SON: variants seen among roughly 807,000 people sequenced by gnomAD.
SON encodes the protein SON DNA and RNA binding protein, also known as protein SON.
A neutral mutation model predicts 173.3 loss-of-function variants in SON; 4 were observed. The observed-to-expected ratio is 0.02, with a 90% confidence interval of 0.01 to 0.05. The LOEUF (loss-of-function observed/expected upper bound fraction) is 0.05. Ranked by LOEUF, SON falls within the 10% of genes least tolerant of loss-of-function variation. The pLI, the probability that SON is intolerant of heterozygous loss-of-function variation, is 1.00. For synonymous variants in SON, 1,190 were observed against 1,105.9 expected, an observed-to-expected ratio of 1.08 and a Z score of -1.51; for missense variants, 2,626 against 3,055.3, an observed-to-expected ratio of 0.86 and a Z score of 3.31.
intron 2 of SON, among the ~76,000 whole-genome samples, chr21:33,548,997 AAGT>A (rs1463292771): frequency 1.3e-5 from 2 of 152,170 alleles, no homozygotes; most frequent in Non-Finnish European, 2.9e-5. Context: ...ATTATCAGAA[AAGT>A]AGTAGTCTCC....
At chr21:33,543,716 C>A (rs959657315) in intron 1 of SON, among the ~76,000 whole-genome samples, 2 of 152,216 alleles carry the variant, frequency 1.3e-5, no homozygotes, top group Non-Finnish European at 2.9e-5. Flanking sequence ...GTCAGCCGTT[C>A]TGATAGTTAA....
chr21:33,560,406 T>A, intron 6 of SON: 1 of 1,119,996 alleles, frequency 8.9e-7, no homozygotes, highest in Non-Finnish European at 1.1e-6. Flanking sequence ...CCTTCCCCTC[T>A]TTGCTACTAT....
intron 6 of SON, among the ~76,000 whole-genome samples, chr21:33,565,770 T>C (rs2145865057): frequency 6.6e-6 from 1 of 152,344 alleles, no homozygotes; most frequent in South Asian, 2.1e-4. Flanking sequence ...GATTTATATA[T>C]TAACATAAAC....
chr21:33,553,648 A>G lies in SON; in HGVS notation c.4417A>G (p.Ile1473Val). 1 of 1,613,886 alleles carries G rather than the reference A, an allele frequency of 6.2e-7. No individual in the cohort carries two copies. The highest frequency in any genetic ancestry group is 8.5e-7 in the Non-Finnish European group (1 of 1,179,854). ...GGTGGCTATAGAGTCCACACCAATGATACTGGAATCTAGTATCATGTCATC... is the reference window on the plus strand; with the variant it reads ...GGTGGCTATAGAGTCCACACCAATGGTACTGGAATCTAGTATCATGTCATC... Reference protein sequence around the residue: ...TEVAIESTPMILESSIMSSHV... With the variant: ...TEVAIESTPMVLESSIMSSHV... Residue 1473 changes from isoleucine (I) to valine (V), a missense_variant, in exon 3 of 12, where the codon ATA (isoleucine) becomes GTA (valine). This residue lies in a region of SON where 1,006 missense variants were observed against 895.6 expected (regional missense o/e 1.12). Coordinates refer to ENST00000356577, the MANE Select transcript of SON (RefSeq NM_138927.4).
intron 8 of SON, chr21:33,572,181 T>TATATATATATA (rs1569069155): frequency 3.5e-5 from 5 of 142,722 alleles, no homozygotes; most frequent in African/African-American, 1.3e-4. Context: ...TATTATATAT[T>TATATATATATA]TATATATATA....
chr21:33,552,682 C>G lies in SON; in HGVS notation c.3451C>G (p.Pro1151Ala). 1 of 1,614,116 alleles carries G rather than the reference C, an allele frequency of 6.2e-7. No homozygotes were observed. Among genetic ancestry groups the G allele is most frequent in the Non-Finnish European group, 8.5e-7 (1 of 1,180,010 alleles). ...GGCATATATGGTGCCACCTTTGCCT[C>G]CTGAAGAGCCCCCAACAATGCCACC... is the stretch of plus-strand genomic sequence containing the variant. ...TEAYMVPPLPPEEPPTMPPLP... is the reference protein window; with the variant it reads ...TEAYMVPPLPAEEPPTMPPLP... Residue 1151 changes from proline to alanine, a missense_variant, in exon 3 of 12, where the codon CCT (proline) becomes GCT (alanine). By Grantham distance (27) the Pro-to-Ala change is conservative (BLOSUM62 -1). Around this residue, in one of 13 missense-constraint regions of SON, gnomAD observed 366 missense variants for 448.6 expected, o/e 0.82. Coordinates refer to ENST00000356577, the MANE Select transcript of SON (RefSeq NM_138927.4). The surrounding 1 kb of genome is among the most constrained non-coding windows in gnomAD (Gnocchi z 5.6).
intron 7 of SON, among the ~76,000 whole-genome samples, chr21:33,568,697 A>G (rs2086222859): frequency 6.6e-6 from 1 of 152,092 alleles, no homozygotes. Context: ...TCTTTTTTGC[A>G]TTTTTAGTGT....
Position 33,559,352 on chromosome 21 carries a change from C to T in SON, c.6444C>T (p.Pro2148=), listed in dbSNP as rs2086027151. ...FYHHPFKLSE[P]KPIFFNLNIA... ...ATCATCCCTTTAAACTCAGTGAACC[C>T]AAACCTATTTTTTTCAATCTGAATG... Residue 2148 remains proline (P), a synonymous_variant, in exon 5 of 12, where the codon CCC becomes CCT. Coordinates refer to ENST00000356577, the MANE Select transcript of SON (RefSeq NM_138927.4). This position sits in a 1 kb window ranked among gnomAD's most constrained non-coding sequence, Gnocchi z 4.1. The T allele has an allele frequency of 1.9e-6, 3 of 1,609,624 alleles. No individual in the cohort carries two copies. In the South Asian group the frequency reaches 3.3e-5, roughly 18 times the overall value.
Position 33,575,660 on chromosome 21 carries a change from T to A in SON, c.7098T>A (p.Asp2366Glu). ...GGAACTTCTCTGCTGCAATGAAAGA[T>A]CTGTCAGGTGAGAGCACGTTTTTGA... ...RSGNFSAAMK[D>E]LSGKHPVSAL... The change falls in exon 10 of 12, where the codon GAT (aspartate) becomes GAA (glutamate). Residue 2366 changes from aspartate to glutamate, a missense_variant. Around this residue, in one of 13 missense-constraint regions of SON, gnomAD observed 11 missense variants for 18.7 expected, o/e 0.59. Coordinates refer to ENST00000356577, the MANE Select transcript of SON (RefSeq NM_138927.4). 2 of 1,613,110 alleles carry A rather than the reference T, an allele frequency of 1.2e-6. No individual in the cohort carries two copies. Among genetic ancestry groups the A allele is most frequent in the Non-Finnish European group, 1.7e-6 (2 of 1,179,312 alleles).
intron 1 of SON, 116 bp downstream of exon 1, chr21:33,543,285 C>T: frequency 1.0e-6 from 1 of 960,878 alleles, no homozygotes. Context: ...CGCTAGGGCC[C>T]CGCCTGGGCC....
At position 33,575,955 on chromosome 21, in the gene SON, G is replaced by A. The variant is rs1265372655; in HGVS notation, c.7221+62G>A. The A allele has an allele frequency of 2.6e-6, 2 of 778,026 alleles. No homozygotes were observed. The highest frequency in any genetic ancestry group is 2.6e-5 in the Admixed American group (1 of 38,300). 48.2% of individuals were successfully genotyped at this position (778,026 alleles called of 1,614,324 possible). On this transcript the variant is annotated intron_variant, in intron 11 of 11. Coordinates refer to ENST00000356577, the MANE Select transcript of SON (RefSeq NM_138927.4). Reference sequence around the variant, plus strand: ...TTAATGTGATGACTTAGAGGGTGAGGGGTAAACATGATCACAGGATTAAGA... The same window carrying A: ...TTAATGTGATGACTTAGAGGGTGAGAGGTAAACATGATCACAGGATTAAGA...
intron 6 of SON, among the ~76,000 whole-genome samples, chr21:33,564,235 C>T (rs1306156527): frequency 6.6e-6 from 1 of 152,178 alleles, no homozygotes; most frequent in East Asian, 1.9e-4. Flanking sequence ...TTGTCCAATA[C>T]AGCAGTTACC....
At chr21:33,565,658 T>A (rs565876900) in intron 6 of SON, among the ~76,000 whole-genome samples, 1 of 152,322 alleles carries the variant, frequency 6.6e-6, no homozygotes, top group East Asian at 1.9e-4. Flanking sequence ...TTCTAATTTG[T>A]GTGATGATTT....
At chr21:33,561,489 C>A (rs1034594451) in intron 6 of SON, among the ~76,000 whole-genome samples, 15 of 152,086 alleles carry the variant, frequency 9.9e-5, no homozygotes, top group African/African-American at 3.6e-4. Context: ...AAATATTTTC[C>A]ACTGAAGACT....
intron 6 of SON, chr21:33,560,063 A>G: frequency 6.2e-7 from 1 of 1,614,206 alleles, no homozygotes; most frequent in Non-Finnish European, 8.5e-7. Flanking sequence ...GTGGGAAGGT[A>G]GTCCAAGGTA....
intron 8 of SON, among the ~76,000 whole-genome samples, chr21:33,571,527 A>G (rs2086285221): frequency 6.6e-6 from 1 of 152,236 alleles, no homozygotes; most frequent in Non-Finnish European, 1.5e-5. Context: ...TTAATCAGTA[A>G]AACATTTAAA....
intron 1 of SON, among the ~76,000 whole-genome samples, chr21:33,543,759 A>G (rs921377600): frequency 6.6e-6 from 1 of 152,240 alleles, no homozygotes; most frequent in African/African-American, 2.4e-5. Flanking sequence ...AAACTGATGC[A>G]CTTGCTAGTT....
At position 33,573,165 on chromosome 21, in the gene SON, T is replaced by TA. The variant is rs1197842862; in HGVS notation, c.6886-140dup. Reference sequence around the variant, plus strand: ...CAGAACATACACACTACAGTATGTATAAAGTATAGAGGAATTTACATTTAA... The same window carrying TA: ...CAGAACATACACACTACAGTATGTATAAAAGTATAGAGGAATTTACATTTAA... On this transcript the variant is annotated intron_variant, in intron 8 of 11. Coordinates refer to ENST00000356577, the MANE Select transcript of SON (RefSeq NM_138927.4). 7.8e-6 allele frequency: 5 copies of TA among 638,598 alleles called. No homozygotes were observed. In the East Asian group the frequency reaches 1.4e-4, roughly 18 times the overall value. The allele number at this position is 638,598 out of a possible 1,614,324, so 39.6% of individuals were successfully genotyped here. A position where few individuals can be genotyped will look rare whatever the true frequency, so the allele number is the denominator to read the frequency against.
In SON at chr21:33,554,903, G is replaced by A. The variant is rs140776794; in HGVS notation, c.5672G>A (p.Arg1891His). ...RGRRSVSKEK[R>H]KRSPKHRSKS... Reference sequence around the variant, plus strand: ...AGAAGATCTGTATCAAAAGAGAAGCGCAAAAGATCTCCAAAGCACAGATCC... The same window carrying A: ...AGAAGATCTGTATCAAAAGAGAAGCACAAAAGATCTCCAAAGCACAGATCC... The change falls in exon 3 of 12, where the codon CGC becomes CAC. Residue 1891 changes from arginine to histidine, a missense_variant. Arg to His is a conservative substitution (Grantham distance 29, BLOSUM62 0). Coordinates refer to ENST00000356577, the MANE Select transcript of SON (RefSeq NM_138927.4). 2.4e-5 allele frequency: 38 copies of A among 1,614,020 alleles called. No individual in the cohort carries two copies. The highest frequency in any genetic ancestry group is 2.0e-4 in the African/African-American group (15 of 74,988).
Sources: allele counts gnomAD v4.1 joint callset (sites outside exome capture counted in the v4.1 genomes callset), GRCh38; gene constraint gnomAD v4.1.1; regional missense constraint gnomAD v4.1.1; non-coding constraint Gnocchi (gnomAD v3.1); transcripts MANE v1.5; gene names NCBI Gene and HGNC (gene_info 2026-07-23, HGNC 2026-07-21).